Variants in PHAX observed in about 807,000 individuals in gnomAD.
PHAX encodes the protein phosphorylated adapter RNA export protein.
PHAX carries 31 observed loss-of-function variants against 41.6 expected under a neutral mutation model. The observed-to-expected ratio is 0.75, with a 90% CI of 0.56 to 1.01. The LOEUF is 1.01. PHAX is among the 50% of genes least tolerant of loss of function. PHAX has a pLI of 0.00. For synonymous variants in PHAX, 175 were observed against 164.9 expected (o/e 1.06, Z -0.47); for missense variants, 453 against 472.9 (o/e 0.96, Z 0.39).
chr5:126,608,425 G>T lies in PHAX; in HGVS notation c.772G>T (p.Ala258Ser), dbSNP rs1301215687. 6.2e-7 allele frequency: 1 copy of T among 1,613,772 alleles called. No homozygotes were observed. Among genetic ancestry groups the T allele is most frequent in the East Asian group, 2.2e-5 (1 of 44,860 alleles). The change falls in exon 3 of 5, where the codon GCA (alanine) becomes TCA (serine). Residue 258 changes from alanine to serine, a missense_variant. Physicochemically the swap from Ala to Ser is moderately conservative, Grantham distance 99 (BLOSUM62 1). Transcript: ENST00000297540. ...RVVRIIGNKK[A>S]IELLMETAEV... The stretch of plus-strand genomic sequence containing the variant: ...AGTGAGGATTATTGGTAACAAAAAG[G>T]CAATTGAACTTCTGATGGAAACCGC...
chr5:126,618,975 G>A (rs1033550577), intron 4 of PHAX, among the ~76,000 whole-genome samples: 3 of 152,044 alleles, frequency 2.0e-5, no homozygotes, highest in African/African-American at 7.2e-5. Flanking sequence ...GTCTTACTCT[G>A]TTGCCCCAGC....
intron 3 of PHAX, among the ~76,000 whole-genome samples, chr5:126,615,203 A>G (rs1388202364): frequency 2.0e-5 from 3 of 152,060 alleles, no homozygotes; most frequent in Admixed American, 2.0e-4. Flanking sequence ...TCCAGTGAAT[A>G]GTTATATCAT....
intron 3 of PHAX, among the ~76,000 whole-genome samples, chr5:126,613,011 C>T (rs1224057653): frequency 6.6e-6 from 1 of 152,148 alleles, no homozygotes; most frequent in East Asian, 1.9e-4. Context: ...TTAACATGAA[C>T]ATGGAAGGGT....
intron 1 of PHAX, among the ~76,000 whole-genome samples, chr5:126,602,012 T>C (rs992451328): frequency 6.6e-5 from 10 of 152,170 alleles, no homozygotes; most frequent in African/African-American, 2.4e-4. Context: ...GATTTCTCCA[T>C]GTTGGTCAGG....
In PHAX at chr5:126,608,361, C is replaced by G. The variant is rs775625885; in HGVS notation, c.711-3C>G. ...GAGGATAATTTTACTTGTTTCTCAT[C>G]AGGTTACAGGAACCAAAGAAAGACC... On this transcript the variant is annotated splice_region_variant and splice_polypyrimidine_tract_variant and intron_variant, in intron 2 of 4. Coordinates refer to ENST00000297540, the MANE Select transcript of PHAX (RefSeq NM_032177.4). 1.7e-5 allele frequency: 27 copies of G among 1,611,560 alleles called. No homozygotes were observed. Among genetic ancestry groups the G allele is most frequent in the Non-Finnish European group, 2.3e-5 (27 of 1,178,994 alleles).
chr5:126,617,968 C>A (rs879858162), intron 4 of PHAX, among the ~76,000 whole-genome samples: 1 of 151,800 alleles, frequency 6.6e-6, no homozygotes, highest in Non-Finnish European at 1.5e-5. Context: ...CCCCTTGAGA[C>A]AGGGTCTAAG....
chr5:126,601,720 G>A (rs1751906920), intron 1 of PHAX, among the ~76,000 whole-genome samples: 1 of 152,080 alleles, frequency 6.6e-6, no homozygotes, highest in African/African-American at 2.4e-5. Context: ...AGGCTGGAGT[G>A]CAGTGGCGCG....
intron 3 of PHAX, among the ~76,000 whole-genome samples, chr5:126,609,194 G>A (rs1414861923): frequency 3.6e-5 from 5 of 139,376 alleles, no homozygotes; most frequent in African/African-American, 5.4e-5. Flanking sequence ...TCCGCCTCCC[G>A]AGTTCAAGCA....
At chr5:126,619,525 G>A (rs925466731) in intron 4 of PHAX, among the ~76,000 whole-genome samples, 7 of 149,116 alleles carry the variant, frequency 4.7e-5, no homozygotes, top group Non-Finnish European at 8.9e-5. Context: ...GCAGTAAGCC[G>A]AGATCACACC....
chr5:126,605,400 G>GT (rs1273547031), intron 2 of PHAX, among the ~76,000 whole-genome samples: 1 of 151,744 alleles, frequency 6.6e-6, no homozygotes, highest in African/African-American at 2.4e-5. Context: ...TTTTCTGTTG[G>GT]TTTTTTGTTT....
In PHAX at chr5:126,603,956, G is replaced by T. The variant is rs1433647292; in HGVS notation, c.483G>T (p.Arg161Ser). The T allele has an allele frequency of 6.2e-7, 1 of 1,614,046 alleles. No individual in the cohort carries two copies. Residue 161 changes from arginine (R) to serine (S), a missense_variant, in exon 2 of 5, where the codon AGG becomes AGT. Transcript: ENST00000297540. ...ATTATTTGCTTGCCAAGAAACTTAG[G>T]AAGGAATCTCAAGAGCATACAAAAG... is the stretch of plus-strand genomic sequence containing the variant. ...TYNYLLAKKLRKESQEHTKDL... is the reference protein window; with the variant it reads ...TYNYLLAKKLSKESQEHTKDL...
Position 126,603,851 on chromosome 5 carries a change from T to A in PHAX, c.378T>A (p.Asn126Lys). The change falls in exon 2 of 5, where the codon AAT becomes AAA. Residue 126 changes from asparagine to lysine, a missense_variant. Transcript: ENST00000297540. ...GGGGTGCTGTGCTGCAGGAACAGAA[T>A]CAAGATGCAGTGGCCACTGAACTTG... ...NIWGAVLQEQ[N>K]QDAVATELGI... The A allele has an allele frequency of 1.9e-6, 3 of 1,614,028 alleles. No individual in the cohort carries two copies. The highest frequency in any genetic ancestry group is 2.5e-6 in the Non-Finnish European group (3 of 1,180,002).
chr5:126,613,186 T>TA (rs1182650697), intron 3 of PHAX, among the ~76,000 whole-genome samples: 1 of 151,964 alleles, frequency 6.6e-6, no homozygotes, highest in Non-Finnish European at 1.5e-5. Flanking sequence ...CCGTCTCTGC[T>TA]AAAAATACAA....
At chr5:126,606,517 A>G (rs1751989277) in intron 2 of PHAX, among the ~76,000 whole-genome samples, 1 of 152,176 alleles carries the variant, frequency 6.6e-6, no homozygotes. Flanking sequence ...ATGGTGTAGC[A>G]GGAATCAATA....
At chr5:126,611,368 C>G (rs1296636860) in intron 3 of PHAX, among the ~76,000 whole-genome samples, 1 of 152,210 alleles carries the variant, frequency 6.6e-6, no homozygotes, top group African/African-American at 2.4e-5. Context: ...AATTTACTTT[C>G]TTTGGATACA....
chr5:126,610,388 G>C (rs1262718635), intron 3 of PHAX, among the ~76,000 whole-genome samples: 1 of 152,148 alleles, frequency 6.6e-6, no homozygotes, highest in Non-Finnish European at 1.5e-5. Flanking sequence ...CATCACAAGG[G>C]AGTAGATCAA....
chr5:126,600,961 A>G lies in PHAX; in HGVS notation c.-2A>G. On this transcript the variant is annotated 5_prime_UTR_variant, in exon 1 of 5. Transcript: ENST00000297540. ...CTGTGCAGCGCAGCGCACCGCGGGA[A>G]GATGGCGTTGGAGGTCGGCGATATG... The G allele has an allele frequency of 1.2e-6, 2 of 1,602,260 alleles. No homozygotes were observed. Among genetic ancestry groups the G allele is most frequent in the Non-Finnish European group, 1.7e-6 (2 of 1,173,990 alleles).
chr5:126,608,251 T>C, intron 2 of PHAX, 113 bp from the exon 3 acceptor site: 1 of 1,269,918 alleles, frequency 7.9e-7, no homozygotes, highest in Non-Finnish European at 1.1e-6. Flanking sequence ...TATTGAAGAT[T>C]TAGAAAACCA....
In PHAX at chr5:126,603,676, A is replaced by AT; in HGVS notation, c.203_204insT (p.Glu68AspfsTer5). 1 of 1,614,230 alleles carries AT rather than the reference A, an allele frequency of 6.2e-7. No homozygotes were observed. Among genetic ancestry groups the AT allele is most frequent in the Non-Finnish European group, 8.5e-7 (1 of 1,180,044 alleles). ...GTTGAAAGTGTGGATTCAAGTGAAG[A>AT]AAGTTTTTCTGATTCAGATGATGAT... On this transcript the variant is annotated frameshift_variant, in exon 2 of 5. Transcript: ENST00000297540. LOFTEE classifies it high-confidence loss of function.
Sources: allele counts gnomAD v4.1 joint callset (sites outside exome capture counted in the v4.1 genomes callset), GRCh38; gene constraint gnomAD v4.1.1; transcripts MANE v1.5; gene names NCBI Gene and HGNC (gene_info 2026-07-23, HGNC 2026-07-21).